The following STX8 variants were observed in gnomAD, a reference collection of about 807,000 sequenced individuals.
STX8 encodes syntaxin 8, also known as syntaxin-8.
In STX8, 23 loss-of-function variants were observed where a neutral mutation model predicts 37.5. That is an observed-to-expected ratio of 0.61 (90% CI 0.44 to 0.87). The LOEUF (loss-of-function observed/expected upper bound fraction) is 0.87, where lower values mean the gene tolerates loss of function less well. Ranked by LOEUF, STX8 falls within the 40% of genes least tolerant of loss-of-function variation. STX8 has a pLI of 0.00. For synonymous variants in STX8, 115 were observed against 99.1 expected (o/e 1.16, Z -0.95); for missense variants, 313 against 284.7 (o/e 1.10, Z -0.71).
At chr17:9,300,425 C>T (rs1640504010) in intron 7 of STX8, among the ~76,000 whole-genome samples, 1 of 151,592 alleles carries the variant, frequency 6.6e-6, no homozygotes, top group South Asian at 2.1e-4. Context: ...CCCCAAATCA[C>T]AATTATGGTA....
At chr17:9,307,972 A>G (rs185651891) in intron 7 of STX8, among the ~76,000 whole-genome samples, 42 of 152,324 alleles carry the variant, frequency 2.8e-4, no homozygotes, top group African/African-American at 9.4e-4. Flanking sequence ...GAGAAAGGAA[A>G]GCTACACAGA....
intron 5 of STX8, among the ~76,000 whole-genome samples, chr17:9,503,573 T>C (rs1014719908): frequency 3.3e-5 from 5 of 152,204 alleles, no homozygotes; most frequent in Non-Finnish European, 7.3e-5. Flanking sequence ...GATTTTACTA[T>C]GTTGCCTAGG....
rs562374989 is a variant in STX8 at position 9,294,316 on chromosome 17, C to T, written c.644-43671G>A. 3.3e-5 allele frequency among the ~76,000 whole-genome samples: 5 copies of T among 152,320 alleles called. 1 individual carries two copies. Among genetic ancestry groups the T allele is most frequent in the East Asian group, 1.9e-4 (1 of 5,190 alleles). On this transcript the variant is annotated intron_variant, in intron 7 of 7. Transcript: ENST00000306357. ...GATAAAGTGAAAGAGGAAGAGAACT[C>T]GTATTTTCTGAGCCCTTACTATGTG...
At chr17:9,574,786 G>A (rs1288650594) in intron 1 of STX8, among the ~76,000 whole-genome samples, 1 of 152,060 alleles carries the variant, frequency 6.6e-6, no homozygotes, top group Non-Finnish European at 1.5e-5. Context: ...TGCCTGCCTC[G>A]GCCTCCCAAA....
chr17:9,368,570 C>G (rs1425092244), intron 7 of STX8, among the ~76,000 whole-genome samples: 1 of 152,160 alleles, frequency 6.6e-6, no homozygotes, highest in East Asian at 1.9e-4. Context: ...TCCTGCCATT[C>G]CCACATCACC....
intron 7 of STX8, among the ~76,000 whole-genome samples, chr17:9,313,822 G>A (rs567297373): frequency 1.3e-5 from 2 of 152,258 alleles, no homozygotes; most frequent in Non-Finnish European, 2.9e-5. Context: ...AGTAGAGACG[G>A]GGTTTCACTA....
chr17:9,293,268 G>A (rs1244231990), intron 7 of STX8, among the ~76,000 whole-genome samples: 1 of 152,096 alleles, frequency 6.6e-6, no homozygotes, highest in East Asian at 1.9e-4. Context: ...CTAGTTTCTA[G>A]GCAGTATTCT....
chr17:9,473,611 C>T (rs545473978), intron 6 of STX8, among the ~76,000 whole-genome samples: 1 of 152,126 alleles, frequency 6.6e-6, no homozygotes, highest in African/African-American at 2.4e-5. Context: ...TTTAGAGAAT[C>T]GTGACAAGAA....
At chr17:9,254,158 C>G (rs957751194) in intron 7 of STX8, among the ~76,000 whole-genome samples, 1 of 152,202 alleles carries the variant, frequency 6.6e-6, no homozygotes, top group Non-Finnish European at 1.5e-5. Flanking sequence ...AGCAACCCTG[C>G]AGCCGCACTC....
At chr17:9,436,527 T>G (rs1030648245) in intron 6 of STX8, among the ~76,000 whole-genome samples, 7 of 151,936 alleles carry the variant, frequency 4.6e-5, no homozygotes, top group African/African-American at 1.7e-4. Context: ...AAAATACTGG[T>G]GAGGGTAAGA....
chr17:9,302,132 C>T (rs1908809851), intron 7 of STX8, among the ~76,000 whole-genome samples: 1 of 152,132 alleles, frequency 6.6e-6, no homozygotes, highest in South Asian at 2.1e-4. Context: ...CATTTATGTT[C>T]TCTAATTACT....
intron 6 of STX8, among the ~76,000 whole-genome samples, chr17:9,380,902 A>G (rs555848585): frequency 3.3e-5 from 5 of 151,808 alleles, no homozygotes; most frequent in African/African-American, 1.2e-4. Flanking sequence ...TTTAGTAGAG[A>G]TGGGGTTTCA....
At chr17:9,339,899 T>C (rs1450915077) in intron 7 of STX8, among the ~76,000 whole-genome samples, 1 of 152,252 alleles carries the variant, frequency 6.6e-6, no homozygotes, top group East Asian at 1.9e-4. Context: ...TGCTTTAAGT[T>C]GGTCATTTAG....
At chr17:9,310,000 CTTATTAGT>C (rs1453360822) in intron 7 of STX8, among the ~76,000 whole-genome samples, 3 of 120,926 alleles carry the variant, frequency 2.5e-5, no homozygotes, top group African/African-American at 2.0e-4. Context: ...CAAGTTGACT[CTTATTAGT>C]CAAGTTGACT....
intron 3 of STX8, among the ~76,000 whole-genome samples, chr17:9,550,678 G>A (rs1906727064): frequency 1.3e-5 from 2 of 152,216 alleles, no homozygotes; most frequent in African/African-American, 4.8e-5. Flanking sequence ...GTAGCCTGGT[G>A]AGCATTTGAA....
At chr17:9,545,045 T>C in intron 4 of STX8, 127 bp downstream of exon 4, 1 of 635,120 alleles carries the variant, frequency 1.6e-6, no homozygotes, top group East Asian at 2.7e-5. Flanking sequence ...AAAATTATAG[T>C]CAAACACCAT....
intron 6 of STX8, among the ~76,000 whole-genome samples, chr17:9,410,187 A>G (rs1445091631): frequency 6.6e-6 from 1 of 152,192 alleles, no homozygotes; most frequent in Admixed American, 6.5e-5. Context: ...TTTCTCTTTT[A>G]TTCCTGACTA....
chr17:9,543,359 T>A (rs1906363631), intron 4 of STX8, among the ~76,000 whole-genome samples: 1 of 151,690 alleles, frequency 6.6e-6, no homozygotes, highest in Non-Finnish European at 1.5e-5. Flanking sequence ...AGTGGCGTGA[T>A]CTCGGCTCAC....
chr17:9,275,286 A>G (rs1205024875), intron 7 of STX8, among the ~76,000 whole-genome samples: 1 of 151,812 alleles, frequency 6.6e-6, no homozygotes, highest in Non-Finnish European at 1.5e-5. Context: ...TCCTTTGTCT[A>G]TTACCTCCTA....
Sources: allele counts gnomAD v4.1 joint callset (sites outside exome capture counted in the v4.1 genomes callset), GRCh38; gene constraint gnomAD v4.1.1; transcripts MANE v1.5; gene names NCBI Gene and HGNC (gene_info 2026-07-23, HGNC 2026-07-21).